DLG1: variants seen among roughly 807,000 people sequenced by gnomAD.
DLG1 encodes discs large MAGUK scaffold protein 1, also known as disks large homolog 1.
A neutral mutation model predicts 123.4 loss-of-function variants in DLG1; 42 were observed. The ratio of observed to expected loss-of-function variants is 0.34; its 90% confidence interval spans 0.27 to 0.44. The LOEUF is 0.44. Among genes scored for constraint, DLG1 ranks in the 20% least tolerant of loss-of-function variants. The pLI is 1.00. For missense variants in DLG1, 942 were observed against 1,082.6 expected (o/e 0.87, Z 1.82); for synonymous variants, 317 against 356.2 (o/e 0.89, Z 1.24).
intron 5 of DLG1, among the ~76,000 whole-genome samples, chr3:197,188,664 G>A (rs918823918): frequency 3.9e-5 from 6 of 152,114 alleles, no homozygotes; most frequent in Admixed American, 1.3e-4. Context: ...TCTACATGCA[G>A]CGTAACAGCT....
At chr3:197,184,731 G>C (rs1383796358) in intron 5 of DLG1, among the ~76,000 whole-genome samples, 2 of 152,126 alleles carry the variant, frequency 1.3e-5, no homozygotes, top group Non-Finnish European at 2.9e-5. Context: ...CTAAAAATGA[G>C]AAAGAATTAA....
At chr3:197,125,794 C>T (rs543049747) in intron 11 of DLG1, among the ~76,000 whole-genome samples, 1 of 152,236 alleles carries the variant, frequency 6.6e-6, no homozygotes, top group South Asian at 2.1e-4. Context: ...GGAATGACAG[C>T]ATGAGTAACA....
At chr3:197,060,332 T>C (rs1250291344) in intron 22 of DLG1, among the ~76,000 whole-genome samples, 1 of 152,150 alleles carries the variant, frequency 6.6e-6, no homozygotes, top group Non-Finnish European at 1.5e-5. Context: ...GGGGTCTTGT[T>C]CTGTTGACCA....
At chr3:197,253,224 T>C (rs1049487626) in intron 4 of DLG1, among the ~76,000 whole-genome samples, 1 of 152,056 alleles carries the variant, frequency 6.6e-6, no homozygotes, top group Admixed American at 6.5e-5. Context: ...CAAAACTCAG[T>C]AGTAAAAAGA....
chr3:197,055,999 G>A (rs149697152), intron 23 of DLG1, among the ~76,000 whole-genome samples: 4 of 152,308 alleles, frequency 2.6e-5, no homozygotes, highest in Admixed American at 6.5e-5. Flanking sequence ...AAAGCTGCTT[G>A]AAAATGTGTA....
At chr3:197,073,791 C>T (rs1482617352) in intron 18 of DLG1, among the ~76,000 whole-genome samples, 1 of 152,058 alleles carries the variant, frequency 6.6e-6, no homozygotes, top group Non-Finnish European at 1.5e-5. Context: ...TGTGAATTTA[C>T]AGCAGATATA....
At chr3:197,219,814 C>T (rs1441442493) in intron 4 of DLG1, among the ~76,000 whole-genome samples, 1 of 152,196 alleles carries the variant, frequency 6.6e-6, no homozygotes, top group Non-Finnish European at 1.5e-5. Context: ...GGGGAAAGGC[C>T]TCAGGGGAAA....
At chr3:197,218,680 T>C (rs965452634) in intron 4 of DLG1, among the ~76,000 whole-genome samples, 65 of 152,194 alleles carry the variant, frequency 4.3e-4, no homozygotes, top group African/African-American at 1.5e-3. Context: ...ATTCAAAAAA[T>C]CAGTAATTTT....
chr3:197,161,639 C>T (rs777019048), intron 5 of DLG1: 1 of 1,458,292 alleles, frequency 6.9e-7, no homozygotes, highest in Non-Finnish European at 9.1e-7. Context: ...CTAATAAAAA[C>T]CTGTGGTATG....
intron 3 of DLG1, among the ~76,000 whole-genome samples, chr3:197,284,025 T>C (rs1456415581): frequency 6.6e-6 from 1 of 152,002 alleles, no homozygotes; most frequent in African/African-American, 2.4e-5. Context: ...CATGCCTGGC[T>C]AATTTTTGTA....
intron 18 of DLG1, chr3:197,070,282 T>A (rs1373543396): frequency 2.0e-5 from 3 of 151,602 alleles, no homozygotes; most frequent in Non-Finnish European, 4.4e-5. Context: ...CTCACTCTGT[T>A]GCTCAGGTGG....
chr3:197,141,220 C>A (rs1787782204), intron 7 of DLG1, among the ~76,000 whole-genome samples: 1 of 152,178 alleles, frequency 6.6e-6, no homozygotes, highest in South Asian at 2.1e-4. Context: ...AATCTAACTT[C>A]ATGAATTACC....
intron 6 of DLG1, among the ~76,000 whole-genome samples, chr3:197,149,305 A>C (rs371974778): frequency 6.6e-5 from 10 of 152,318 alleles, no homozygotes; most frequent in African/African-American, 2.2e-4. Flanking sequence ...AAATTATGCA[A>C]CAAGTGGACT....
In DLG1 at chr3:197,282,779, G is replaced by C. The variant is rs749018763; in HGVS notation, c.218C>G (p.Ser73Cys). 1 of 1,610,764 alleles carries C rather than the reference G, an allele frequency of 6.2e-7. No homozygotes were observed. The highest frequency in any genetic ancestry group is 8.5e-7 in the Non-Finnish European group (1 of 1,177,722). ...NPKCIDRSKP[S>C]EPIQPVNTWE... The stretch of plus-strand genomic sequence containing the variant: ...AGTATTCACAGGTTGAATTGGTTCA[G>C]ACGGCTTTGAACGATCTATACATTT... The change falls in exon 4 of 25, where the codon TCT becomes TGT. Residue 73 changes from serine to cysteine, a missense_variant. Coordinates refer to ENST00000667157, the MANE Select transcript of DLG1 (RefSeq NM_001366207.1).
intron 11 of DLG1, among the ~76,000 whole-genome samples, chr3:197,125,219 A>C (rs1416738590): frequency 6.6e-6 from 1 of 152,172 alleles, no homozygotes; most frequent in Non-Finnish European, 1.5e-5. Context: ...AGGGGAGAGA[A>C]AAATTCTTTA....
At chr3:197,176,931 G>A (rs1389962083) in intron 5 of DLG1, among the ~76,000 whole-genome samples, 1 of 151,852 alleles carries the variant, frequency 6.6e-6, no homozygotes, top group Non-Finnish European at 1.5e-5. Context: ...TTTCTAGAGT[G>A]TCCTATTGAA....
At chr3:197,240,673 G>C (rs1257396007) in intron 4 of DLG1, among the ~76,000 whole-genome samples, 1 of 152,036 alleles carries the variant, frequency 6.6e-6, no homozygotes, top group Non-Finnish European at 1.5e-5. Flanking sequence ...ATTTTAAAAA[G>C]AGATTAAAGT....
intron 10 of DLG1, among the ~76,000 whole-genome samples, chr3:197,131,583 T>C (rs534075280): frequency 6.0e-5 from 6 of 99,368 alleles, no homozygotes; most frequent in Admixed American, 4.4e-4. Context: ...TTTCTTCCTT[T>C]CTTTTTTTTT....
intron 4 of DLG1, among the ~76,000 whole-genome samples, chr3:197,232,853 A>G (rs913018482): frequency 1.3e-5 from 2 of 152,182 alleles, no homozygotes; most frequent in Non-Finnish European, 2.9e-5. Context: ...ACTATTCATG[A>G]TAAGGGGCAC....
Sources: gnomAD v4.1 joint callset for allele counts (sites outside exome capture counted in the v4.1 genomes callset) on GRCh38, gnomAD v4.1.1 for gene constraint, MANE v1.5 for transcripts, NCBI Gene and HGNC (gene_info 2026-07-23, HGNC 2026-07-21) for gene names.